DYNC2H1: variants seen among roughly 807,000 people sequenced by gnomAD.
DYNC2H1 encodes cytoplasmic dynein 2 heavy chain 1.
DYNC2H1 carries 410 observed loss-of-function variants against 570.0 expected under a neutral mutation model. That is an observed-to-expected ratio of 0.72 (90% confidence interval 0.66 to 0.78). The LOEUF is 0.78. Among genes scored for constraint, DYNC2H1 ranks in the 30% least tolerant of loss-of-function variants. The pLI is 0.00. For missense variants in DYNC2H1, 4,865 were observed against 5,046.4 expected (o/e 0.96, Z 1.09); for synonymous variants, 1,688 against 1,677.6 (o/e 1.01, Z -0.15).
intron 84 of DYNC2H1, among the ~76,000 whole-genome samples, chr11:103,410,743 T>G (rs778205936): frequency 6.6e-6 from 1 of 152,158 alleles, no homozygotes; most frequent in Non-Finnish European, 1.5e-5. Context: ...TTAGCTTTAT[T>G]GAGGGCAGAT....
chr11:103,218,177 A>G (rs938421140), intron 55 of DYNC2H1, among the ~76,000 whole-genome samples: 1 of 152,182 alleles, frequency 6.6e-6, no homozygotes, highest in South Asian at 2.1e-4. Context: ...ATAAAGTTAA[A>G]CATATCTTAG....
Position 103,209,704 on chromosome 11 carries a change from G to A in DYNC2H1, c.8455-172G>A, listed in dbSNP as rs1034724634. The stretch of plus-strand genomic sequence containing the variant: ...GTTAATGGTTGATGTGTGTCAAAAT[G>A]TTGTCTTGGAAATCATTTCTTCTAA... On this transcript the variant is annotated intron_variant, in intron 52 of 88. Transcript: ENST00000375735. This position sits in a 1 kb window ranked among gnomAD's most constrained non-coding sequence, Gnocchi z 4.2. Among the ~76,000 whole-genome samples, 20 of 151,910 alleles carry A rather than the reference G, an allele frequency of 1.3e-4. No individual in the cohort carries two copies. Among genetic ancestry groups the A allele is most frequent in the African/African-American group, 4.8e-4 (20 of 41,410 alleles).
At chr11:103,131,506 G>A (rs1859268108) in intron 13 of DYNC2H1, among the ~76,000 whole-genome samples, 1 of 151,238 alleles carries the variant, frequency 6.6e-6, no homozygotes, top group Admixed American at 6.6e-5. Context: ...AGCCAGGATG[G>A]TCTCCCCAGT....
chr11:103,162,405 TATTC>T (rs1296450467), intron 29 of DYNC2H1, among the ~76,000 whole-genome samples: 6 of 152,230 alleles, frequency 3.9e-5, no homozygotes, highest in Non-Finnish European at 7.3e-5. Context: ...GATTCATAAA[TATTC>T]ATTGTTTATC....
rs1231902942 is a variant in DYNC2H1, at chr11:103,472,248, G to A, written c.12765+3543G>A. 1.3e-5 allele frequency among the ~76,000 whole-genome samples: 2 copies of A among 152,070 alleles called. No individual in the cohort carries two copies. The highest frequency in any genetic ancestry group is 4.8e-5 in the African/African-American group (2 of 41,402). On this transcript the variant is annotated intron_variant, in intron 88 of 88. Coordinates refer to ENST00000375735, the MANE Select transcript of DYNC2H1 (RefSeq NM_001377.3). This position sits in a 1 kb window ranked among gnomAD's most constrained non-coding sequence, Gnocchi z 4.1. ...CCATCAAGAATTTAGAACAGGGCCA[G>A]GCACGGTGGCTCACACCTGTAATCC... is the stretch of plus-strand genomic sequence containing the variant.
intron 84 of DYNC2H1, among the ~76,000 whole-genome samples, chr11:103,419,918 T>A (rs899081033): frequency 7.9e-5 from 12 of 152,054 alleles, no homozygotes; most frequent in African/African-American, 2.9e-4. Flanking sequence ...AGAGCCAGAA[T>A]AGCCAGTTTA....
chr11:103,165,216 C>A (rs1269900822), intron 30 of DYNC2H1, among the ~76,000 whole-genome samples: 1 of 152,158 alleles, frequency 6.6e-6, no homozygotes, highest in Admixed American at 6.5e-5. Context: ...CAACCTCCCC[C>A]TCTCAGGCTC....
rs74402422 is a variant in DYNC2H1 at position 103,463,813 on chromosome 11, A to G, written c.12649-4776A>G. ...TCACTGATTGAGTTTATGGCATTAT[A>G]GAAATCTGTAGGCTTAAGAAAGCTG... is the stretch of plus-strand genomic sequence containing the variant. On this transcript the variant is annotated intron_variant, in intron 87 of 88. Coordinates refer to ENST00000375735, the MANE Select transcript of DYNC2H1 (RefSeq NM_001377.3). 4.5e-3 allele frequency among the ~76,000 whole-genome samples: 689 copies of G among 152,318 alleles called. 5 individuals carry two copies. Among genetic ancestry groups the G allele is most frequent in the African/African-American group, 0.015 (643 of 41,568 alleles).
Position 103,205,059 on chromosome 11 carries a change from C to A in DYNC2H1, c.8454+95C>A. The A allele has an allele frequency of 9.0e-7, 1 of 1,113,122 alleles. No individual in the cohort carries two copies. The highest frequency in any genetic ancestry group is 1.3e-6 in the Non-Finnish European group (1 of 796,768). 69.0% of individuals were successfully genotyped at this position (1,113,122 alleles called of 1,614,324 possible). On this transcript the variant is annotated intron_variant, in intron 52 of 88. Coordinates refer to ENST00000375735, the MANE Select transcript of DYNC2H1 (RefSeq NM_001377.3). This position sits in a 1 kb window ranked among gnomAD's most constrained non-coding sequence, Gnocchi z 4.5. ...CTCTTTGGTGTTGGTTATAACATCA[C>A]CTTAATTATGGCACCAAACATCTCT...
intron 88 of DYNC2H1, 101 bp downstream of exon 88, chr11:103,468,806 T>C: frequency 1.1e-6 from 1 of 905,000 alleles, no homozygotes; most frequent in Non-Finnish European, 1.6e-6. Flanking sequence ...TTTGTTTGCT[T>C]TCTAATCTCA....
intron 85 of DYNC2H1, chr11:103,454,970 C>T (rs1944734740): frequency 4.4e-6 from 2 of 452,106 alleles, no homozygotes; most frequent in Non-Finnish European, 7.8e-6. Context: ...TACCAACAAA[C>T]AATTGTGCAA....
intron 75 of DYNC2H1, among the ~76,000 whole-genome samples, chr11:103,295,133 T>C (rs1212664884): frequency 6.6e-6 from 1 of 152,186 alleles, no homozygotes; most frequent in Non-Finnish European, 1.5e-5. Context: ...CACTGTGTCC[T>C]GACTGCCACT....
At chr11:103,430,846 G>A (rs1943862391) in intron 84 of DYNC2H1, among the ~76,000 whole-genome samples, 1 of 152,096 alleles carries the variant, frequency 6.6e-6, no homozygotes, top group Non-Finnish European at 1.5e-5. Flanking sequence ...ATTCTACGCA[G>A]TTTGAATTTG....
At position 103,177,199 on chromosome 11, in the gene DYNC2H1, T is replaced by G. The variant is rs1187580994; in HGVS notation, c.5875-357T>G. Among the ~76,000 whole-genome samples the G allele has an allele frequency of 2.0e-5, 3 of 152,104 alleles. No homozygotes were observed. The highest frequency in any genetic ancestry group is 7.2e-5 in the African/African-American group (3 of 41,414). On this transcript the variant is annotated intron_variant, in intron 37 of 88. Coordinates refer to ENST00000375735, the MANE Select transcript of DYNC2H1 (RefSeq NM_001377.3). This position sits in a 1 kb window ranked among gnomAD's most constrained non-coding sequence, Gnocchi z 4.4. ...AAAATTAGCACTTTGCCCTCAGTTT[T>G]GGAGAGAAGTAAGATAAGAATGAAT...
intron 59 of DYNC2H1, among the ~76,000 whole-genome samples, chr11:103,229,128 G>T (rs1565413518): frequency 6.6e-6 from 1 of 152,178 alleles, no homozygotes; most frequent in Admixed American, 6.5e-5. Context: ...GGCAGCCAGT[G>T]ACCAGGGCTG....
rs1286262233 is a variant in DYNC2H1, at chr11:103,305,967, A to C, written c.11382+1247A>C. Among the ~76,000 whole-genome samples the C allele has an allele frequency of 6.6e-6, 1 of 152,178 alleles. No homozygotes were observed. Among genetic ancestry groups the C allele is most frequent in the African/African-American group, 2.4e-5 (1 of 41,440 alleles). Reference sequence around the variant, plus strand: ...TGCTCTGTTACCCAGGCTGGAGTGCAGTGGCACAAGTTTGGCTCACTGCAA... The same window carrying C: ...TGCTCTGTTACCCAGGCTGGAGTGCCGTGGCACAAGTTTGGCTCACTGCAA... On this transcript the variant is annotated intron_variant, in intron 77 of 88. Transcript: ENST00000375735. This position sits in a 1 kb window ranked among gnomAD's most constrained non-coding sequence, Gnocchi z 4.3.
At chr11:103,298,335 T>A (rs1866919517) in intron 75 of DYNC2H1, among the ~76,000 whole-genome samples, 2 of 151,240 alleles carry the variant, frequency 1.3e-5, no homozygotes, top group Non-Finnish European at 3.0e-5. Context: ...TTAAGAGAGG[T>A]TTTTTTTTCC....
At chr11:103,455,529 T>A (rs1468469707) in intron 86 of DYNC2H1, among the ~76,000 whole-genome samples, 1 of 152,198 alleles carries the variant, frequency 6.6e-6, no homozygotes, top group Non-Finnish European at 1.5e-5. Flanking sequence ...GTAACTTTTA[T>A]AATTTTGATC....
intron 17 of DYNC2H1, among the ~76,000 whole-genome samples, chr11:103,140,363 C>G (rs1859834694): frequency 6.6e-6 from 1 of 151,996 alleles, no homozygotes; most frequent in South Asian, 2.1e-4. Flanking sequence ...TTGTTCCTTT[C>G]CATGTTGAGT....
Sources: allele counts gnomAD v4.1 joint callset (sites outside exome capture counted in the v4.1 genomes callset), GRCh38; gene constraint gnomAD v4.1.1; non-coding constraint Gnocchi (gnomAD v3.1); transcripts MANE v1.5; gene names NCBI Gene and HGNC (gene_info 2026-07-23, HGNC 2026-07-21).